The following ANK3 variants were observed in gnomAD, a reference collection of about 807,000 sequenced individuals.
ANK3 encodes the protein ankyrin-3.
Under a neutral mutation model 370.9 loss-of-function variants are expected in ANK3, and 57 were observed. That is an observed-to-expected ratio of 0.15 (90% CI 0.12 to 0.19). The LOEUF (loss-of-function observed/expected upper bound fraction) is 0.19, where lower values mean the gene tolerates loss of function less well. ANK3 is among the 10% of genes least tolerant of loss of function. The pLI, the probability that ANK3 is intolerant of heterozygous loss-of-function variation, is 1.00. For synonymous variants in ANK3, 1,929 were observed against 1,946.3 expected, an observed-to-expected ratio of 0.99 and a Z score of 0.23; for missense variants, 4,439 against 5,302.1, an observed-to-expected ratio of 0.84 and a Z score of 5.06.
At chr10:60,617,534 T>G (rs1423345385) in intron 1 of ANK3, among the ~76,000 whole-genome samples, 4 of 152,152 alleles carry the variant, frequency 2.6e-5, no homozygotes, top group African/African-American at 9.6e-5. Context: ...TCTTGCAGCC[T>G]TGTTGTAAGG....
chr10:60,683,632 C>T (rs2133393817), intron 1 of ANK3, among the ~76,000 whole-genome samples: 1 of 152,282 alleles, frequency 6.6e-6, no homozygotes, highest in East Asian at 1.9e-4. Flanking sequence ...CAGCAAAATC[C>T]ACCTGATTGC....
At chr10:60,312,593 G>C (rs2132852737) in intron 1 of ANK3, among the ~76,000 whole-genome samples, 2 of 152,250 alleles carry the variant, frequency 1.3e-5, no homozygotes, top group Middle Eastern at 3.4e-3. Context: ...GGACCTCATA[G>C]TCAGTGGGAC....
chr10:60,124,081 T>C (rs1257134432), intron 25 of ANK3, among the ~76,000 whole-genome samples: 2 of 152,230 alleles, frequency 1.3e-5, no homozygotes, highest in Non-Finnish European at 2.9e-5. Flanking sequence ...ACCCAAGTAA[T>C]GTGAAAGTGG....
intron 2 of ANK3, among the ~76,000 whole-genome samples, chr10:60,412,886 G>A (rs890911222): frequency 1.3e-5 from 2 of 152,144 alleles, no homozygotes; most frequent in African/African-American, 4.8e-5. Context: ...AGGACAGAGT[G>A]CACACCTCAT....
At chr10:60,391,213 A>C (rs2132875403), upstream of ANK3, among the ~76,000 whole-genome samples, 1 of 152,336 alleles carries the variant, frequency 6.6e-6, no homozygotes, top group African/African-American at 2.4e-5. Flanking sequence ...AACCACAGGG[A>C]AACCACGCTG....
intron 30 of ANK3, 93 bp from the exon 31 acceptor site, chr10:60,085,346 C>T: frequency 1.1e-6 from 1 of 903,458 alleles, no homozygotes; most frequent in Non-Finnish European, 1.7e-6. Context: ...TGCATAGCCA[C>T]AAACTGGCAA....
intron 2 of ANK3, among the ~76,000 whole-genome samples, chr10:60,444,316 C>T (rs527512292): frequency 1.3e-4 from 19 of 151,442 alleles, no homozygotes; most frequent in African/African-American, 4.1e-4. Flanking sequence ...CAAGCTTGTA[C>T]ATTTGAACTC....
intron 41 of ANK3, among the ~76,000 whole-genome samples, chr10:60,057,241 A>G (rs2079380553): frequency 6.6e-6 from 1 of 152,148 alleles, no homozygotes; most frequent in African/African-American, 2.4e-5. Context: ...TTTTTCCCTT[A>G]ACTATTAAAA....
chr10:60,244,670 T>C (rs897403087), intron 7 of ANK3, among the ~76,000 whole-genome samples: 1 of 152,200 alleles, frequency 6.6e-6, no homozygotes, highest in African/African-American at 2.4e-5. Flanking sequence ...CTAGTATATA[T>C]AGAAACGGAA....
intron 2 of ANK3, among the ~76,000 whole-genome samples, chr10:60,416,748 T>C (rs1404096031): frequency 2.0e-5 from 3 of 152,182 alleles, no homozygotes; most frequent in African/African-American, 7.2e-5. Context: ...ATGTAGCCAA[T>C]AGCTACCATA....
rs575238526 is a variant in ANK3, at chr10:60,176,583, A to G, written c.2185-3397T>C. Reference sequence around the variant, plus strand: ...TCGAGATCAGCCTGCCCAGTATGGCAAAACCCTGTCTCTACTAAAAATACA... The same window carrying G: ...TCGAGATCAGCCTGCCCAGTATGGCGAAACCCTGTCTCTACTAAAAATACA... On this transcript the variant is annotated intron_variant, in intron 18 of 43. Transcript: ENST00000280772. Among the ~76,000 whole-genome samples, 3 of 152,040 alleles carry G rather than the reference A, an allele frequency of 2.0e-5. No individual in the cohort carries two copies. The East Asian group carries it at 5.8e-4, about 30-fold the overall frequency.
At chr10:60,727,378 A>T (rs532694499) in intron 1 of ANK3, among the ~76,000 whole-genome samples, 1 of 152,300 alleles carries the variant, frequency 6.6e-6, no homozygotes, top group South Asian at 2.1e-4. Context: ...ACATAGGCAA[A>T]ACTCATCTAT....
chr10:60,516,887 C>T (rs890164008), intron 2 of ANK3, among the ~76,000 whole-genome samples: 40 of 152,072 alleles, frequency 2.6e-4, no homozygotes, highest in African/African-American at 9.2e-4. Flanking sequence ...AGACAATGCT[C>T]TTCTTAAAAC....
chr10:60,662,888 T>G (rs1443789102), intron 1 of ANK3, among the ~76,000 whole-genome samples: 1 of 152,186 alleles, frequency 6.6e-6, no homozygotes, highest in African/African-American at 2.4e-5. Flanking sequence ...ATCCCAGAAC[T>G]TTATGTTTTA....
At chr10:60,196,995 T>C (rs1163972754) in intron 14 of ANK3, among the ~76,000 whole-genome samples, 1 of 152,140 alleles carries the variant, frequency 6.6e-6, no homozygotes, top group Non-Finnish European at 1.5e-5. Context: ...CAGAGTTTCA[T>C]ATTGTGGGAA....
At chr10:60,269,537 C>T (rs548368236) in intron 5 of ANK3, among the ~76,000 whole-genome samples, 4 of 151,872 alleles carry the variant, frequency 2.6e-5, no homozygotes, top group South Asian at 2.1e-4. Flanking sequence ...CCCAGCTACT[C>T]GGGAGGCTGA....
At chr10:60,325,672 A>G (rs1367980106) in intron 1 of ANK3, among the ~76,000 whole-genome samples, 2 of 152,276 alleles carry the variant, frequency 1.3e-5, no homozygotes, top group Admixed American at 6.5e-5. Context: ...ATGCTTATAC[A>G]CTGTTGGTGG....
chr10:60,495,845 A>C (rs1331490071), intron 2 of ANK3, among the ~76,000 whole-genome samples: 3 of 152,162 alleles, frequency 2.0e-5, no homozygotes, highest in Non-Finnish European at 4.4e-5. Flanking sequence ...TTTTTTTATA[A>C]GACTCCCAAA....
At chr10:60,635,291 A>G (rs10994441) in intron 1 of ANK3, among the ~76,000 whole-genome samples, 17,257 of 152,156 alleles carry the variant, frequency 0.11, 1,434 homozygotes, top group East Asian at 0.27. Flanking sequence ...ACTTCTTCAG[A>G]TTTAATATCT....
Sources: allele counts gnomAD v4.1 joint callset (sites outside exome capture counted in the v4.1 genomes callset), GRCh38; gene constraint gnomAD v4.1.1; transcripts MANE v1.5; gene names NCBI Gene and HGNC (gene_info 2026-07-23, HGNC 2026-07-21).